Variants in ARHGAP11A observed in about 807,000 individuals in gnomAD.
ARHGAP11A encodes Rho GTPase activating protein 11A, also known as rho GTPase-activating protein 11A.
ARHGAP11A carries 36 observed loss-of-function variants against 60.5 expected under a neutral mutation model. The observed-to-expected ratio is 0.59, with a 90% CI of 0.46 to 0.79. The LOEUF (loss-of-function observed/expected upper bound fraction) is 0.79, where lower values mean the gene tolerates loss of function less well. Among genes scored for constraint, ARHGAP11A ranks in the 30% least tolerant of loss-of-function variants. ARHGAP11A has a pLI of 0.00. For synonymous variants in ARHGAP11A, 362 were observed against 415.5 expected, an observed-to-expected ratio of 0.87 and a Z score of 1.57; for missense variants, 1,071 against 1,199.2, an observed-to-expected ratio of 0.89 and a Z score of 1.58.
chr15:32,624,561 T>G (rs2140453844), intron 4 of ARHGAP11A, 135 bp downstream of exon 4: 1 of 1,436,998 alleles, frequency 7.0e-7, no homozygotes, highest in Non-Finnish European at 9.3e-7. Flanking sequence ...CTATGAGGAG[T>G]ATACTCCAAT....
intron 6 of ARHGAP11A, among the ~76,000 whole-genome samples, chr15:32,627,981 T>G (rs1219564163): frequency 6.6e-6 from 1 of 152,000 alleles, no homozygotes; most frequent in African/African-American, 2.4e-5. Flanking sequence ...GGCTAATTTT[T>G]GTATATTTAG....
In ARHGAP11A at chr15:32,624,487, C is replaced by T; in HGVS notation, c.551+61C>T. The T allele has an allele frequency of 2.6e-6, 4 of 1,519,790 alleles. No homozygotes were observed. In the South Asian group the frequency reaches 4.9e-5, roughly 18 times the overall value. 94.1% of individuals were successfully genotyped at this position (1,519,790 alleles called of 1,614,324 possible). ...TGAATTTTTCAACTAACGTTTTATG[C>T]TTGTAGATATGTACAATTTCATTTG... On this transcript the variant is annotated intron_variant, in intron 4 of 11. Transcript: ENST00000361627.
At position 32,615,859 on chromosome 15, in the gene ARHGAP11A, C is replaced by G; in HGVS notation, c.-353C>G. The G allele has an allele frequency of 3.5e-6, 1 of 284,242 alleles. No individual in the cohort carries two copies. Among genetic ancestry groups the G allele is most frequent in the Non-Finnish European group, 6.6e-6 (1 of 150,756 alleles). The allele number at this position is 284,242 out of a possible 1,614,324, so 17.6% of individuals were successfully genotyped here. A position where few individuals can be genotyped will look rare whatever the true frequency, so the allele number is the denominator to read the frequency against. ...GAGGAAGGGGGATCGTTGGAAGTAG[C>G]AAGAAGTGGAGAGAATCTGGCAATA... On this transcript the variant is annotated 5_prime_UTR_variant, in exon 1 of 12. Coordinates refer to ENST00000361627, the MANE Select transcript of ARHGAP11A (RefSeq NM_014783.6).
At position 32,639,029 on chromosome 15, in the gene ARHGAP11A, A is replaced by G. The variant is rs2053788411; in HGVS notation, c.*1184A>G. On this transcript the variant is annotated 3_prime_UTR_variant, in exon 12 of 12. Transcript: ENST00000361627. ...TTTATTTAGCATAGACATTAAAGAT[A>G]ACTCTCTGGAAAATGACTTGACTAA... 1 of 152,666 alleles carries G rather than the reference A, an allele frequency of 6.6e-6. No homozygotes were observed. Among genetic ancestry groups the G allele is most frequent in the Non-Finnish European group, 1.5e-5 (1 of 68,044 alleles). The allele number at this position is 152,666 out of a possible 1,614,324, so 9.5% of individuals were successfully genotyped here.
rs2053264683 is a variant in ARHGAP11A, at chr15:32,620,302, T to C, written c.200+124T>C. 4 of 1,531,596 alleles carry C rather than the reference T, an allele frequency of 2.6e-6. No individual in the cohort carries two copies. The East Asian group carries it at 9.0e-5, about 35-fold the overall frequency. The allele number at this position is 1,531,596 out of a possible 1,614,324, so 94.9% of individuals were successfully genotyped here. A position where few individuals can be genotyped will look rare whatever the true frequency, so the allele number is the denominator to read the frequency against. On this transcript the variant is annotated intron_variant, in intron 2 of 11. Coordinates refer to ENST00000361627, the MANE Select transcript of ARHGAP11A (RefSeq NM_014783.6). ...GAGCTTAAGACCAGCCTGGGCAACA[T>C]GGTGAGACCTTGTCGCAAAAGATAG...
At chr15:32,632,509 C>A (rs1595772977) in intron 8 of ARHGAP11A, among the ~76,000 whole-genome samples, 3 of 152,178 alleles carry the variant, frequency 2.0e-5, no homozygotes, top group Admixed American at 6.5e-5. Context: ...AACTTGTTTG[C>A]CAATAGCTTA....
At position 32,618,397 on chromosome 15, in the gene ARHGAP11A, C is replaced by T. The variant is rs140022761; in HGVS notation, c.130-1711C>T. ...CAGTATCAAGAAAATTCTGATTTAC[C>T]CAATAAAGGGGTTGCCCATACTAAC... On this transcript the variant is annotated intron_variant, in intron 1 of 11. Transcript: ENST00000361627. Among the ~76,000 whole-genome samples the T allele has an allele frequency of 3.7e-4, 57 of 152,184 alleles. 1 individual carries two copies. In the East Asian group the frequency reaches 0.011, roughly 29 times the overall value.
intron 9 of ARHGAP11A, 72 bp from the exon 10 acceptor site, chr15:32,633,861 C>A: frequency 1.1e-6 from 1 of 919,934 alleles, no homozygotes; most frequent in Non-Finnish European, 1.6e-6. Flanking sequence ...GACTTTATTT[C>A]AAATTTCGTA....
intron 2 of ARHGAP11A, 112 bp downstream of exon 2, chr15:32,620,290 G>T: frequency 6.4e-7 from 1 of 1,573,604 alleles, no homozygotes; most frequent in South Asian, 1.2e-5. Flanking sequence ...CTTAAGACCA[G>T]CCTGGGCAAC....
In ARHGAP11A at chr15:32,616,184, G is replaced by T; in HGVS notation, c.-28G>T. On this transcript the variant is annotated 5_prime_UTR_variant, in exon 1 of 12. Transcript: ENST00000361627. ...GAACGAGGGTCAGGACCTGCATCCT[G>T]CCTCAGAGAGTTATCGACGTATCCG... 6.2e-7 allele frequency: 1 copy of T among 1,612,902 alleles called. No homozygotes were observed. Among genetic ancestry groups the T allele is most frequent in the Non-Finnish European group, 8.5e-7 (1 of 1,179,368 alleles).
chr15:32,628,458 T>G (rs2053516760), intron 6 of ARHGAP11A, among the ~76,000 whole-genome samples: 1 of 152,246 alleles, frequency 6.6e-6, no homozygotes, highest in Admixed American at 6.5e-5. Context: ...TCTTTTTCCC[T>G]ACCCTTACTG....
At chr15:32,634,071 A>T (rs1432638407) in intron 10 of ARHGAP11A, 30 bp downstream of exon 10, 1 of 1,455,410 alleles carries the variant, frequency 6.9e-7, no homozygotes, top group Non-Finnish European at 9.5e-7. Context: ...ATTGATCTTT[A>T]TATTAGCATA....
chr15:32,632,221 A>T (rs910650068), intron 8 of ARHGAP11A, among the ~76,000 whole-genome samples: 2 of 152,214 alleles, frequency 1.3e-5, no homozygotes, highest in African/African-American at 4.8e-5. Flanking sequence ...CCTGGGCGTG[A>T]TTCAAACATA....
intron 1 of ARHGAP11A, among the ~76,000 whole-genome samples, chr15:32,617,744 T>G (rs2053194289): frequency 6.6e-6 from 1 of 152,196 alleles, no homozygotes; most frequent in African/African-American, 2.4e-5. Flanking sequence ...AGTGGTGGGA[T>G]GGCAGGCGTG....
At chr15:32,628,331 A>G (rs1477148112) in intron 6 of ARHGAP11A, among the ~76,000 whole-genome samples, 3 of 152,254 alleles carry the variant, frequency 2.0e-5, no homozygotes, top group East Asian at 1.9e-4. Flanking sequence ...CTATTTATTG[A>G]TATAATGTTT....
At position 32,637,255 on chromosome 15, in the gene ARHGAP11A, A is replaced by ATTG; in HGVS notation, c.2482_2483insTTG (p.Lys828delinsIleGlu). ...AAATGAACCAAATAGAATAAAAGTC[A>ATTG]AGTCACCTCTTAAGTTTCAGCGTAC... On this transcript the variant is annotated protein_altering_variant, in exon 12 of 12. Coordinates refer to ENST00000361627, the MANE Select transcript of ARHGAP11A (RefSeq NM_014783.6). 6.2e-7 allele frequency: 1 copy of ATTG among 1,614,214 alleles called. No homozygotes were observed. Among genetic ancestry groups the ATTG allele is most frequent in the Non-Finnish European group, 8.5e-7 (1 of 1,180,024 alleles).
At position 32,615,871 on chromosome 15, in the gene ARHGAP11A, A is replaced by T. The variant is rs140224308; in HGVS notation, c.-341A>T. The T allele has an allele frequency of 1.3e-4, 43 of 320,204 alleles. No individual in the cohort carries two copies. The highest frequency in any genetic ancestry group is 2.0e-4 in the Non-Finnish European group (35 of 172,976). 19.8% of individuals were successfully genotyped at this position (320,204 alleles called of 1,614,324 possible). ...TCGTTGGAAGTAGCAAGAAGTGGAGAGAATCTGGCAATAGACGAGAAACCG... is the reference window on the plus strand; with the variant it reads ...TCGTTGGAAGTAGCAAGAAGTGGAGTGAATCTGGCAATAGACGAGAAACCG... On this transcript the variant is annotated 5_prime_UTR_variant, in exon 1 of 12. Coordinates refer to ENST00000361627, the MANE Select transcript of ARHGAP11A (RefSeq NM_014783.6).
At position 32,628,625 on chromosome 15, in the gene ARHGAP11A, G is replaced by A. The variant is rs1452078906; in HGVS notation, c.863-103G>A. 14 of 816,732 alleles carry A rather than the reference G, an allele frequency of 1.7e-5. No homozygotes were observed. In the South Asian group the frequency reaches 1.9e-4, roughly 11 times the overall value. 50.6% of individuals were successfully genotyped at this position (816,732 alleles called of 1,614,324 possible). On this transcript the variant is annotated intron_variant, in intron 6 of 11. Coordinates refer to ENST00000361627, the MANE Select transcript of ARHGAP11A (RefSeq NM_014783.6). ...TTAAATAACTTAAAATTTATAAGCC[G>A]ATGTAAAGTTACATGTTGAAAGAAG...
At chr15:32,631,300 T>C (rs1438278426) in intron 8 of ARHGAP11A, among the ~76,000 whole-genome samples, 2 of 10,594 alleles carry the variant, frequency 1.9e-4, no homozygotes, top group Admixed American at 1.2e-3. Flanking sequence ...AATTGTCTCT[T>C]TTTTTTTTTT....
Sources: gnomAD v4.1 joint callset for allele counts (sites outside exome capture counted in the v4.1 genomes callset) on GRCh38, gnomAD v4.1.1 for gene constraint, MANE v1.5 for transcripts, NCBI Gene and HGNC (gene_info 2026-07-23, HGNC 2026-07-21) for gene names.